CPNE6: variants seen among roughly 807,000 people sequenced by gnomAD.
CPNE6 encodes copine 6.
In CPNE6, 33 loss-of-function variants were observed where a neutral mutation model predicts 71.5. The ratio of observed to expected loss-of-function variants is 0.46; its 90% CI spans 0.35 to 0.62. The LOEUF (loss-of-function observed/expected upper bound fraction) is 0.62, where lower values mean the gene tolerates loss of function less well. Among genes scored for constraint, CPNE6 ranks in the 20% least tolerant of loss-of-function variants. CPNE6 has a pLI of 0.00. For missense variants in CPNE6, 576 were observed against 747.3 expected, an observed-to-expected ratio of 0.77 and a Z score of 2.67; for synonymous variants, 296 against 293.0, an observed-to-expected ratio of 1.01 and a Z score of -0.10.
rs766610107 is a variant in CPNE6 at position 24,075,806 on chromosome 14, T to C, written c.865-21T>C. 7 of 1,612,842 alleles carry C rather than the reference T, an allele frequency of 4.3e-6. No individual in the cohort carries two copies. Among genetic ancestry groups the C allele is most frequent in the Non-Finnish European group, 5.9e-6 (7 of 1,178,974 alleles). ...AAAGGACCACCCCATCCCCTCGCCT[T>C]ACCCCTCTCCCTACCTCCAGGTGGA... On this transcript the variant is annotated intron_variant, in intron 10 of 17. Transcript: ENST00000397016. The surrounding 1 kb of genome is among the most constrained non-coding windows in gnomAD (Gnocchi z 4.3).
Position 24,073,062 on chromosome 14 carries a change from C to G in CPNE6, c.126C>G (p.Pro42=). 2 of 1,534,052 alleles carry G rather than the reference C, an allele frequency of 1.3e-6. No homozygotes were observed. Among genetic ancestry groups the G allele is most frequent in the Non-Finnish European group, 1.8e-6 (2 of 1,142,492 alleles). ...GGGACACACTCACCAAACCCCACCC[C>G]TGCGTGCTGCTCAAGCTCTACTCTG... is the stretch of plus-strand genomic sequence containing the variant. Residue 42 remains proline (P), a synonymous_variant, in exon 3 of 18, where the codon CCC becomes CCG. Transcript: ENST00000397016. This position sits in a 1 kb window ranked among gnomAD's most constrained non-coding sequence, Gnocchi z 5.5.
chr14:24,071,807 T>G, intron 2 of CPNE6, 166 bp downstream of exon 1: 1 of 545,836 alleles, frequency 1.8e-6, no homozygotes, highest in East Asian at 3.0e-5. Flanking sequence ...GGGAGACTTG[T>G]GGCTGGAAGG....
In CPNE6 at chr14:24,077,419, A is replaced by G; in HGVS notation, c.1536+29A>G. 1 of 1,594,324 alleles carries G rather than the reference A, an allele frequency of 6.3e-7. No individual in the cohort carries two copies. On this transcript the variant is annotated intron_variant, in intron 16 of 17. Transcript: ENST00000397016. The surrounding 1 kb of genome is among the most constrained non-coding windows in gnomAD (Gnocchi z 6.1). ...AGTCCCCCGGGCCCCTTCCGGCTGA[A>G]GGACTCCTCAGCTTCTCATCCCCCC...
At position 24,077,892 on chromosome 14, in the gene CPNE6, C is replaced by A; in HGVS notation, c.*42C>A. The A allele has an allele frequency of 2.8e-6, 2 of 721,860 alleles. No homozygotes were observed. Among genetic ancestry groups the A allele is most frequent in the Non-Finnish European group, 4.1e-6 (2 of 487,262 alleles). 44.7% of individuals were successfully genotyped at this position (721,860 alleles called of 1,614,324 possible). A position where few individuals can be genotyped will look rare whatever the true frequency, so the allele number is the denominator to read the frequency against. ...GACTCTCCCACCCCCTCCCAGGTGC[C>A]TGTCCTGACCCTCGTGACTCCAGTG... On this transcript the variant is annotated 3_prime_UTR_variant, in exon 18 of 18. Transcript: ENST00000397016. This position sits in a 1 kb window ranked among gnomAD's most constrained non-coding sequence, Gnocchi z 6.1.
Position 24,074,682 on chromosome 14 carries a change from C to A in CPNE6, c.583-24C>A, listed in dbSNP as rs1009861785. Reference sequence around the variant, plus strand: ...GTAAGAAGACACAGACAGGAGCTGACCAGCCACCTGGTGCCTCTCCAAGGT... The same window carrying A: ...GTAAGAAGACACAGACAGGAGCTGAACAGCCACCTGGTGCCTCTCCAAGGT... On this transcript the variant is annotated intron_variant, in intron 7 of 17. Transcript: ENST00000397016. The surrounding 1 kb of genome is among the most constrained non-coding windows in gnomAD (Gnocchi z 4.5). 2 of 1,613,456 alleles carry A rather than the reference C, an allele frequency of 1.2e-6. No homozygotes were observed. Among genetic ancestry groups the A allele is most frequent in the African/African-American group, 1.3e-5 (1 of 74,896 alleles).
At chr14:24,076,945 A>C in exon 15 of CPNE6, 1 of 1,613,196 alleles carries the variant, frequency 6.2e-7, no homozygotes, top group Non-Finnish European at 8.5e-7. Context: ...GGCCCCACCA[A>C]TGTGGCCCCC....
At chr14:24,072,881 G>A (rs1440650754) in intron 2 of CPNE6, 52 bp from the exon 2 acceptor site, 4 of 1,434,586 alleles carry the variant, frequency 2.8e-6, no homozygotes, top group South Asian at 3.0e-5. Context: ...AGACCCCTCT[G>A]CTGGCAGGTG....
chr14:24,074,210 C>A lies in CPNE6; in HGVS notation c.424-81C>A. The A allele has an allele frequency of 6.3e-7, 1 of 1,594,596 alleles. No homozygotes were observed. Among genetic ancestry groups the A allele is most frequent in the Non-Finnish European group, 8.6e-7 (1 of 1,162,298 alleles). ...CCTATGGTGACATCATGCCCAGGAC[C>A]ACCCCCACCTAAGGGAAAGGGGATG... On this transcript the variant is annotated intron_variant, in intron 5 of 17. Transcript: ENST00000397016. The surrounding 1 kb of genome is among the most constrained non-coding windows in gnomAD (Gnocchi z 4.5).
chr14:24,075,693 T>A lies in CPNE6; in HGVS notation c.864+102T>A. The A allele has an allele frequency of 7.3e-7, 1 of 1,372,862 alleles. No individual in the cohort carries two copies. The highest frequency in any genetic ancestry group is 1.0e-6 in the Non-Finnish European group (1 of 980,536). The allele number at this position is 1,372,862 out of a possible 1,614,324, so 85.0% of individuals were successfully genotyped here. A position where few individuals can be genotyped will look rare whatever the true frequency, so the allele number is the denominator to read the frequency against. On this transcript the variant is annotated intron_variant, in intron 10 of 17. Transcript: ENST00000397016. This position sits in a 1 kb window ranked among gnomAD's most constrained non-coding sequence, Gnocchi z 4.3. ...TTTCAAAGACCAGTTTCTCTGCTTC[T>A]GGGAACTGGAAACCACCCCCAACTG...
In CPNE6 at chr14:24,073,564, GTATT is replaced by G. The variant is rs1293741130; in HGVS notation, c.236_239del (p.Tyr79PhefsTer50). 1 of 1,613,990 alleles carries G rather than the reference GTATT, an allele frequency of 6.2e-7. No homozygotes were observed. The highest frequency in any genetic ancestry group is 8.5e-7 in the Non-Finnish European group (1 of 1,180,054). Reference sequence around the variant, plus strand: ...TCTTCTCCCGGGTGCTGGCCCTTGAGTATTTTTTTGAGGAGAAGCAGCCCCTGCA... The same window carrying G: ...TCTTCTCCCGGGTGCTGGCCCTTGAGTTTTTGAGGAGAAGCAGCCCCTGCA... On this transcript the variant is annotated frameshift_variant, in exon 4 of 18. Coordinates refer to ENST00000397016, the Ensembl canonical transcript of CPNE6. LOFTEE classifies it high-confidence loss of function. This position sits in a 1 kb window ranked among gnomAD's most constrained non-coding sequence, Gnocchi z 5.5.
At chr14:24,071,501 G>GCCCGCCCCCCC in intron 1 of CPNE6, 61 bp from the exon 1 acceptor site, 1 of 1,416,704 alleles carries the variant, frequency 7.1e-7, no homozygotes, top group Non-Finnish European at 9.3e-7. Context: ...CTGGTGCTGC[G>GCCCGCCCCCCC]CCCCCCCCCA....
At chr14:24,071,392 C>T in intron 1 of CPNE6, 170 bp from the exon 1 acceptor site, 1 of 1,451,498 alleles carries the variant, frequency 6.9e-7, no homozygotes, top group Non-Finnish European at 9.0e-7. Context: ...CTCTAAGCCA[C>T]CCCCAGCCTG....
chr14:24,076,083 G>C (rs758249588), intron 11 of CPNE6, 66 bp from the exon 11 acceptor site: 1 of 1,590,572 alleles, frequency 6.3e-7, no homozygotes, highest in Admixed American at 1.7e-5. Context: ...ACAGATCCCA[G>C]CTCTGGCCTA....
At position 24,075,962 on chromosome 14, in the gene CPNE6, TC is replaced by T. The variant is rs2036048243; in HGVS notation, c.924+78del. ...TAGTGAAAGGAAGGAGCCCAGAATC[TC>T]CACTGCCCCAACTTGGGCTGCTCAT... On this transcript the variant is annotated intron_variant, in intron 11 of 17. Coordinates refer to ENST00000397016, the Ensembl canonical transcript of CPNE6. This position sits in a 1 kb window ranked among gnomAD's most constrained non-coding sequence, Gnocchi z 4.3. 5 of 1,570,606 alleles carry T rather than the reference TC, an allele frequency of 3.2e-6. No individual in the cohort carries two copies. The highest frequency in any genetic ancestry group is 1.1e-5 in the South Asian group (1 of 89,592).
rs540868941 is a variant in CPNE6, at chr14:24,076,037, C to T, written c.925-112C>T. On this transcript the variant is annotated intron_variant, in intron 11 of 17. Coordinates refer to ENST00000397016, the Ensembl canonical transcript of CPNE6. ...GCACCCCCACATCATTATGTGGCTA[C>T]CTGTAGCCTCCCCACCACTCATCTT... 1.7e-4 allele frequency: 257 copies of T among 1,516,632 alleles called. 1 individual carries two copies. The Middle Eastern group carries it at 3.3e-3, about 20-fold the overall frequency. The allele number at this position is 1,516,632 out of a possible 1,614,324, so 93.9% of individuals were successfully genotyped here. A position where few individuals can be genotyped will look rare whatever the true frequency, so the allele number is the denominator to read the frequency against.
Position 24,074,802 on chromosome 14 carries a change from T to A in CPNE6, c.672+7T>A, listed in dbSNP as rs1366342591. On this transcript the variant is annotated splice_region_variant and intron_variant, in intron 8 of 17. Coordinates refer to ENST00000397016, the Ensembl canonical transcript of CPNE6. The surrounding 1 kb of genome is among the most constrained non-coding windows in gnomAD (Gnocchi z 4.5). ...TGTTCACCGACCTCTCAAGGTGAAG[T>A]CCCAGCCAAGCCAGCACAGCCTACT... 6.2e-7 allele frequency: 1 copy of A among 1,607,846 alleles called. No individual in the cohort carries two copies. Among genetic ancestry groups the A allele is most frequent in the South Asian group, 1.1e-5 (1 of 90,402 alleles).
chr14:24,074,244 C>T lies in CPNE6; in HGVS notation c.424-47C>T. 4.4e-6 allele frequency: 7 copies of T among 1,604,908 alleles called. No homozygotes were observed. The highest frequency in any genetic ancestry group is 6.0e-6 in the Non-Finnish European group (7 of 1,172,340). On this transcript the variant is annotated intron_variant, in intron 5 of 17. Transcript: ENST00000397016. This position sits in a 1 kb window ranked among gnomAD's most constrained non-coding sequence, Gnocchi z 4.5. ...CTAAGGGAAAGGGGATGGGGTGGCCCTTGTGGTAAGGTTAGGGGAGTCCTG... is the reference window on the plus strand; with the variant it reads ...CTAAGGGAAAGGGGATGGGGTGGCCTTTGTGGTAAGGTTAGGGGAGTCCTG...
chr14:24,076,404 C>A (rs373636695), exon 13 of CPNE6: 4 of 1,614,210 alleles, frequency 2.5e-6, no homozygotes, highest in Admixed American at 1.7e-5. Flanking sequence ...CGAATCCCCC[C>A]CAACTTCGAG....
At chr14:24,071,482 C>T (rs920430562) in intron 1 of CPNE6, 80 bp from the exon 1 acceptor site, 16 of 1,526,086 alleles carry the variant, frequency 1.0e-5, no homozygotes, top group East Asian at 4.9e-5. Context: ...TCCATCCACG[C>T]GGGGGGAGCT....
Sources: allele counts gnomAD v4.1 joint callset, GRCh38; gene constraint gnomAD v4.1.1; non-coding constraint Gnocchi (gnomAD v3.1); transcripts MANE v1.5; gene names NCBI Gene and HGNC (gene_info 2026-07-23, HGNC 2026-07-21).